The following SLC26A2 variants were observed in gnomAD, a reference collection of about 807,000 sequenced individuals.
SLC26A2 encodes the protein sulfate transporter.
A neutral mutation model predicts 41.1 loss-of-function variants in SLC26A2; 36 were observed. That is an observed-to-expected ratio of 0.88 (90% CI 0.67 to 1.16). The LOEUF (loss-of-function observed/expected upper bound fraction) is 1.16, where lower values mean the gene tolerates loss of function less well. Ranked by LOEUF, SLC26A2 falls within the 50% of genes most tolerant of loss-of-function variation. The probability of loss-of-function intolerance (pLI) is 0.00; values close to 1 mark genes in which losing one functional copy is unlikely to be tolerated. For synonymous variants in SLC26A2, 291 were observed against 311.6 expected (o/e 0.93, Z 0.70); for missense variants, 796 against 869.6 (o/e 0.92, Z 1.07).
Position 149,980,339 on chromosome 5 carries a change from C to A in SLC26A2, c.746C>A (p.Ser249Ter). Residue 249 changes from serine (S) to a stop codon, truncating the protein, a stop_gained, in exon 3 of 3, where the codon TCA becomes TAA. Coordinates refer to ENST00000286298, the MANE Select transcript of SLC26A2 (RefSeq NM_000112.4). LOFTEE classifies it high-confidence loss of function. Reference sequence around the variant, plus strand: ...GTGGGTTTTGTTTCTGTCTACCTCTCAGATGCCTTGCTGAGTGGATTTGTC... The same window carrying A: ...GTGGGTTTTGTTTCTGTCTACCTCTAAGATGCCTTGCTGAGTGGATTTGTC... ...FQVGFVSVYLSDALLSGFVTG... is the reference protein window; with the variant it reads ...FQVGFVSVYL The A allele has an allele frequency of 1.9e-6, 3 of 1,614,168 alleles. No individual in the cohort carries two copies. The highest frequency in any genetic ancestry group is 2.5e-6 in the Non-Finnish European group (3 of 1,179,996).
At chr5:149,971,448 G>A (rs1297452698) in intron 1 of SLC26A2, among the ~76,000 whole-genome samples, 1 of 152,148 alleles carries the variant, frequency 6.6e-6, no homozygotes, top group Non-Finnish European at 1.5e-5. Context: ...CACCCAGGCT[G>A]GAGTGCAGTG....
At chr5:149,975,102 G>A (rs1428727612) in intron 1 of SLC26A2, among the ~76,000 whole-genome samples, 1 of 151,960 alleles carries the variant, frequency 6.6e-6, no homozygotes, top group Non-Finnish European at 1.5e-5. Flanking sequence ...GATGTGTCCC[G>A]CAGCTCTTGG....
Position 149,981,193 on chromosome 5 carries a change from G to T in SLC26A2, c.1600G>T (p.Gly534Trp). 6.2e-7 allele frequency: 1 copy of T among 1,614,064 alleles called. No homozygotes were observed. The change falls in exon 3 of 3, where the codon GGG becomes TGG. Residue 534 changes from glycine (G) to tryptophan (W), a missense_variant. By Grantham distance (184) the Gly-to-Trp change is radical. Transcript: ENST00000286298. ...LLSTEIGLLV[G>W]VCFSIFCVIL... The stretch of plus-strand genomic sequence containing the variant: ...AAGTACTGAAATAGGCCTACTTGTT[G>T]GGGTTTGTTTTTCTATATTTTGTGT...
rs2113700888 is a variant in SLC26A2 at position 149,983,167 on chromosome 5, T to C, written c.*1354T>C. On this transcript the variant is annotated 3_prime_UTR_variant, in exon 3 of 3. Transcript: ENST00000286298. Reference sequence around the variant, plus strand: ...GATGCTTTTAGACATATATTAAGTATGTACATGTTTAATATGTATATTTAA... The same window carrying C: ...GATGCTTTTAGACATATATTAAGTACGTACATGTTTAATATGTATATTTAA... The C allele has an allele frequency of 6.6e-6, 1 of 152,166 alleles. No individual in the cohort carries two copies. The highest frequency in any genetic ancestry group is 1.9e-4 in the East Asian group (1 of 5,190). 9.4% of individuals were successfully genotyped at this position (152,166 alleles called of 1,614,324 possible).
chr5:149,981,699 GGAA>G lies in SLC26A2; in HGVS notation c.2113_2115del (p.Glu705del). 1 of 1,611,340 alleles carries G rather than the reference GGAA, an allele frequency of 6.2e-7. No individual in the cohort carries two copies. The highest frequency in any genetic ancestry group is 2.2e-5 in the East Asian group (1 of 44,860). Reference sequence around the variant, plus strand: ...TAACCAACGGAGAATATTGCAAAAAGGAAGAAGAAAACCTTCTCTTCTATAGTG... The same window carrying G: ...TAACCAACGGAGAATATTGCAAAAAGGAAGAAAACCTTCTCTTCTATAGTG... On this transcript the variant is annotated inframe_deletion, in exon 3 of 3. Transcript: ENST00000286298.
intron 1 of SLC26A2, among the ~76,000 whole-genome samples, chr5:149,966,792 A>G (rs571034331): frequency 6.6e-6 from 1 of 152,140 alleles, no homozygotes; most frequent in African/African-American, 2.4e-5. Flanking sequence ...TATGTCATCA[A>G]ATCTATCCAA....
intron 2 of SLC26A2, among the ~76,000 whole-genome samples, chr5:149,979,611 TAGAC>T (rs1233452595): frequency 6.6e-6 from 1 of 151,994 alleles, no homozygotes; most frequent in Non-Finnish European, 1.5e-5. Flanking sequence ...GAAAACTTAT[TAGAC>T]AGAGGAAAAT....
intron 1 of SLC26A2, among the ~76,000 whole-genome samples, chr5:149,971,866 CTTTCAGGGCCTA>C (rs1754911893): frequency 6.6e-6 from 1 of 152,192 alleles, no homozygotes; most frequent in African/African-American, 2.4e-5. Flanking sequence ...TTCTCAAAAT[CTTTCAGGGCCTA>C]TGCATTGCCT....
At position 149,977,678 on chromosome 5, in the gene SLC26A2, A is replaced by G. The variant is rs374715321; in HGVS notation, c.26A>G (p.His9Arg). 2.5e-6 allele frequency: 4 copies of G among 1,613,912 alleles called. No individual in the cohort carries two copies. Among genetic ancestry groups the G allele is most frequent in the East Asian group, 2.2e-5 (1 of 44,878 alleles). MSSESKEQ[H>R]NVSPRDSAEG... ...ATGTCTTCAGAAAGTAAAGAGCAAC[A>G]TAACGTTTCACCCAGAGACTCAGCT... Residue 9 changes from histidine (H) to arginine (R), a missense_variant, in exon 2 of 3, where the codon CAT (histidine) becomes CGT (arginine). Transcript: ENST00000286298.
rs1755154218 is a variant in SLC26A2, at chr5:149,984,226, C to T, written c.*2413C>T. Reference sequence around the variant, plus strand: ...TGCTTTTGGTAGCCATCTGTAGAAACATTTAAGATGTCACTAGAATTTACA... The same window carrying T: ...TGCTTTTGGTAGCCATCTGTAGAAATATTTAAGATGTCACTAGAATTTACA... On this transcript the variant is annotated 3_prime_UTR_variant, in exon 3 of 3. Transcript: ENST00000286298. The T allele has an allele frequency of 6.6e-6, 1 of 152,248 alleles. No homozygotes were observed. The highest frequency in any genetic ancestry group is 1.9e-4 in the East Asian group (1 of 5,204). The allele number at this position is 152,248 out of a possible 1,614,324, so 9.4% of individuals were successfully genotyped here.
intron 1 of SLC26A2, among the ~76,000 whole-genome samples, chr5:149,966,481 C>T (rs17655514): frequency 0.14 from 20,952 of 152,154 alleles, 1,653 homozygotes; most frequent in Admixed American, 0.27. Flanking sequence ...GCATATCACA[C>T]CATATTTACA....
At chr5:149,978,810 C>T (rs1489241365) in intron 2 of SLC26A2, among the ~76,000 whole-genome samples, 3 of 152,032 alleles carry the variant, frequency 2.0e-5, no homozygotes, top group Non-Finnish European at 2.9e-5. Flanking sequence ...ACCTCAACCT[C>T]CTGAGTAGCT....
chr5:149,979,899 C>G (rs2113697383), intron 2 of SLC26A2, among the ~76,000 whole-genome samples: 1 of 152,092 alleles, frequency 6.6e-6, no homozygotes, highest in South Asian at 2.1e-4. Flanking sequence ...GGTTTCTTAA[C>G]TAGAATAATT....
chr5:149,963,334 A>G (rs984060089), intron 1 of SLC26A2, among the ~76,000 whole-genome samples: 8 of 146,680 alleles, frequency 5.5e-5, no homozygotes, highest in Non-Finnish European at 1.0e-4. Flanking sequence ...GCCGGAGTGC[A>G]GTGGCGTGAT....
At chr5:149,975,900 G>C (rs1754984080) in intron 1 of SLC26A2, among the ~76,000 whole-genome samples, 1 of 152,096 alleles carries the variant, frequency 6.6e-6, no homozygotes, top group Non-Finnish European at 1.5e-5. Flanking sequence ...GCTCGTGCCT[G>C]TTATCCCAGC....
intron 1 of SLC26A2, among the ~76,000 whole-genome samples, chr5:149,970,321 A>C (rs1754879408): frequency 6.6e-6 from 1 of 152,132 alleles, no homozygotes; most frequent in Admixed American, 6.5e-5. Flanking sequence ...CAGCCTGGGA[A>C]ACATAGCAAG....
chr5:149,977,917 A>G lies in SLC26A2; in HGVS notation c.265A>G (p.Ile89Val). 6.2e-7 allele frequency: 1 copy of G among 1,614,188 alleles called. No homozygotes were observed. The highest frequency in any genetic ancestry group is 8.5e-7 in the Non-Finnish European group (1 of 1,180,024). Residue 89 changes from isoleucine to valine, a missense_variant, in exon 2 of 3, where the codon ATT (isoleucine) becomes GTT (valine). Transcript: ENST00000286298. ...QCSPAKAKNM[I>V]LGFLPVLQWL... Reference sequence around the variant, plus strand: ...CAGTCCAGCCAAAGCCAAAAATATGATTTTAGGTTTCCTTCCTGTTTTGCA... The same window carrying G: ...CAGTCCAGCCAAAGCCAAAAATATGGTTTTAGGTTTCCTTCCTGTTTTGCA...
At position 149,986,260 on chromosome 5, in the gene SLC26A2, C is replaced by T. The variant is rs1243470873; in HGVS notation, c.*4447C>T. The T allele has an allele frequency of 1.5e-5, 2 of 129,132 alleles. No individual in the cohort carries two copies. Among genetic ancestry groups the T allele is most frequent in the African/African-American group, 6.6e-5 (2 of 30,374 alleles). The allele number at this position is 129,132 out of a possible 1,614,324, so 8.0% of individuals were successfully genotyped here. A position where few individuals can be genotyped will look rare whatever the true frequency, so the allele number is the denominator to read the frequency against. ...TAAAAAAATAGAAAGCTGTTAGGCTCCTAATTCGTGGGGTTTTTTTTTGTA... is the reference window on the plus strand; with the variant it reads ...TAAAAAAATAGAAAGCTGTTAGGCTTCTAATTCGTGGGGTTTTTTTTTGTA... On this transcript the variant is annotated 3_prime_UTR_variant, in exon 3 of 3. Transcript: ENST00000286298.
chr5:149,964,702 A>G (rs1412540987), intron 1 of SLC26A2, among the ~76,000 whole-genome samples: 1 of 151,950 alleles, frequency 6.6e-6, no homozygotes, highest in African/African-American at 2.4e-5. Flanking sequence ...GCATGAACCC[A>G]GGAGGAGGAG....
Sources: gnomAD v4.1 joint callset for allele counts (sites outside exome capture counted in the v4.1 genomes callset) on GRCh38, gnomAD v4.1.1 for gene constraint, MANE v1.5 for transcripts, NCBI Gene and HGNC (gene_info 2026-07-23, HGNC 2026-07-21) for gene names.